MOSPD3: variants seen among roughly 807,000 people sequenced by gnomAD.
The protein encoded by MOSPD3 is motile sperm domain-containing protein 3.
Under a neutral mutation model 23.3 loss-of-function variants are expected in MOSPD3, and 20 were observed. The observed-to-expected ratio is 0.86, with a 90% CI of 0.61 to 1.25. The LOEUF (loss-of-function observed/expected upper bound fraction) is 1.25. Ranked by LOEUF, MOSPD3 falls within the 50% of genes most tolerant of loss-of-function variation. The pLI, the probability that MOSPD3 is intolerant of heterozygous loss-of-function variation, is 0.00. For missense variants in MOSPD3, 307 were observed against 315.7 expected, an observed-to-expected ratio of 0.97 and a Z score of 0.21; for synonymous variants, 136 against 135.2, an observed-to-expected ratio of 1.01 and a Z score of -0.04.
rs1802901048 is a variant in MOSPD3 at position 100,613,609 on chromosome 7, A to G, written c.414A>G (p.Pro138=). Residue 138 remains proline (P), a synonymous_variant, in exon 3 of 5, where the codon CCA becomes CCG. Coordinates refer to ENST00000393950, the MANE Select transcript of MOSPD3 (RefSeq NM_023948.5). ...ACATTACCTCCATTCTGAGAGCCCC[A>G]GCGTACCCCCTTGAGCTTCAGGGAC... ...RKDITSILRA[P]AYPLELQGQP... 1 of 1,614,144 alleles carries G rather than the reference A, an allele frequency of 6.2e-7. No homozygotes were observed. Among genetic ancestry groups the G allele is most frequent in the Non-Finnish European group, 8.5e-7 (1 of 1,180,020 alleles).
rs1802954091 is a variant in MOSPD3 at position 100,614,994 on chromosome 7, C to CTCT, written c.641_642insTTC (p.Ser214dup). The CTCT allele has an allele frequency of 6.2e-7, 1 of 1,614,174 alleles. No individual in the cohort carries two copies. Among genetic ancestry groups the CTCT allele is most frequent in the African/African-American group, 1.3e-5 (1 of 75,058 alleles). ...GCCAGCTGCCTCAAGTCCTGCACGT[C>CTCT]TCCCTGGGACAAAAGTTGGTGGCCG... On this transcript the variant is annotated inframe_insertion, in exon 4 of 5. Transcript: ENST00000393950.
chr7:100,614,799 C>T, intron 3 of MOSPD3, 68 bp from the exon 4 acceptor site: 1 of 1,503,668 alleles, frequency 6.7e-7, no homozygotes, highest in Non-Finnish European at 9.0e-7. Context: ...CTTGTTCAGG[C>T]TTCTCCCTGG....
rs1802884644 is a variant in MOSPD3, at chr7:100,613,237, G to A, written c.249G>A (p.Glu83=). Residue 83 remains glutamate, a synonymous_variant, in exon 2 of 5, where the codon GAG becomes GAA. Coordinates refer to ENST00000393950, the MANE Select transcript of MOSPD3 (RefSeq NM_023948.5). ...CCAAATACACGGTGTTTGACGCAGAGGGATATGTGAAGCCCCAGTCTTGCA... is the reference window on the plus strand; with the variant it reads ...CCAAATACACGGTGTTTGACGCAGAAGGATATGTGAAGCCCCAGTCTTGCA... ...APAKYTVFDA[E]GYVKPQSCID... 8.7e-6 allele frequency: 14 copies of A among 1,614,130 alleles called. No individual in the cohort carries two copies. The highest frequency in any genetic ancestry group is 1.2e-5 in the Non-Finnish European group (14 of 1,180,036).
At chr7:100,614,723 A>G in intron 3 of MOSPD3, 144 bp from the exon 4 acceptor site, 1 of 940,104 alleles carries the variant, frequency 1.1e-6, no homozygotes, top group Non-Finnish European at 1.5e-6. Context: ...AGCCTGGACA[A>G]CGTAGTGAGA....
chr7:100,614,805 C>A (rs188367468), intron 3 of MOSPD3, 62 bp from the exon 4 acceptor site: 2 of 1,533,910 alleles, frequency 1.3e-6, no homozygotes, highest in South Asian at 2.5e-5. Flanking sequence ...CAGGCTTCTC[C>A]CTGGAGGACC....
At chr7:100,614,042 C>T (rs1238712380) in intron 3 of MOSPD3, among the ~76,000 whole-genome samples, 1 of 152,170 alleles carries the variant, frequency 6.6e-6, no homozygotes. Flanking sequence ...AGAGAGGTCC[C>T]TGCCTGTCGG....
Position 100,612,881 on chromosome 7 carries a change from C to T in MOSPD3, c.90C>T (p.Pro30=). The T allele has an allele frequency of 6.2e-7, 1 of 1,612,970 alleles. No individual in the cohort carries two copies. The highest frequency in any genetic ancestry group is 8.5e-7 in the Non-Finnish European group (1 of 1,179,806). ...GGGGCGCCCCTCCTCCCTTGGGACC[C>T]GTTGTCCCGGTCCTGGTCTTTCCCC... ...GSRGAPPPLG[P]VVPVLVFPPD... The change falls in exon 1 of 5, where the codon CCC becomes CCT. Residue 30 remains proline (P), a synonymous_variant. Transcript: ENST00000393950.
chr7:100,613,799 T>G (rs1802910879), intron 3 of MOSPD3, 93 bp downstream of exon 3: 8 of 1,127,120 alleles, frequency 7.1e-6, no homozygotes, highest in Non-Finnish European at 1.0e-5. Context: ...AGAAGTCTCC[T>G]GGTTCAGTCT....
intron 2 of MOSPD3, 94 bp downstream of exon 2, chr7:100,613,363 T>A: frequency 6.5e-7 from 1 of 1,546,616 alleles, no homozygotes; most frequent in Non-Finnish European, 8.9e-7. Context: ...TTTAACCTAT[T>A]TGCCCTATCC....
rs770930212 is a variant in MOSPD3 at position 100,613,484 on chromosome 7, C to T, written c.289C>T (p.Arg97Cys). ...CTCCTACCTTGGGACCAGTGTGATT[C>T]GCCATGTGGCACCCATTCCCAGCCA... is the stretch of plus-strand genomic sequence containing the variant. ...KPQSCIDIVIRHVAPIPSHYD... is the reference protein window; with the variant it reads ...KPQSCIDIVICHVAPIPSHYD... The change falls in exon 3 of 5, where the codon CGC becomes TGC. Residue 97 changes from arginine (R) to cysteine (C), a missense_variant. Physicochemically the swap from Arg to Cys is radical, Grantham distance 180. Coordinates refer to ENST00000393950, the MANE Select transcript of MOSPD3 (RefSeq NM_023948.5). 28 of 1,614,020 alleles carry T rather than the reference C, an allele frequency of 1.7e-5. No homozygotes were observed. The highest frequency in any genetic ancestry group is 1.0e-4 in the Admixed American group (6 of 60,006).
In MOSPD3 at chr7:100,613,474, C is replaced by T. The variant is rs1025755507; in HGVS notation, c.282-3C>T. On this transcript the variant is annotated splice_region_variant and splice_polypyrimidine_tract_variant and intron_variant, in intron 2 of 4. Coordinates refer to ENST00000393950, the MANE Select transcript of MOSPD3 (RefSeq NM_023948.5). ...ATGGGCTTCTCTCCTACCTTGGGAC[C>T]AGTGTGATTCGCCATGTGGCACCCA... is the stretch of plus-strand genomic sequence containing the variant. 1 of 1,614,038 alleles carries T rather than the reference C, an allele frequency of 6.2e-7. No individual in the cohort carries two copies. Among genetic ancestry groups the T allele is most frequent in the Non-Finnish European group, 8.5e-7 (1 of 1,179,906 alleles).
Position 100,612,851 on chromosome 7 carries a change from G to A in MOSPD3, c.60G>A (p.Gly20=). The A allele has an allele frequency of 1.2e-6, 2 of 1,612,108 alleles. No homozygotes were observed. The highest frequency in any genetic ancestry group is 1.7e-6 in the Non-Finnish European group (2 of 1,179,540). The change falls in exon 1 of 5, where the codon GGG becomes GGA. Residue 20 remains glycine, a synonymous_variant. Coordinates refer to ENST00000393950, the MANE Select transcript of MOSPD3 (RefSeq NM_023948.5). ...ELVGPGPPGR[G]SRGAPPPLGP... ...TGGGTCCGGGGCCCCCTGGGCGGGG[G>A]TCCCGGGGCGCCCCTCCTCCCTTGG...
intron 3 of MOSPD3, 43 bp from the exon 4 acceptor site, chr7:100,614,824 G>A (rs372357761): frequency 1.3e-6 from 2 of 1,581,164 alleles, no homozygotes; most frequent in East Asian, 2.3e-5. Context: ...CCTGGGCTGG[G>A]CAGGAGTGGG....
intron 3 of MOSPD3, chr7:100,613,907 G>T: frequency 1.6e-6 from 1 of 611,000 alleles, no homozygotes; most frequent in Non-Finnish European, 2.9e-6. Flanking sequence ...TCTACTTAGA[G>T]GAAAAAGTTC....
In MOSPD3 at chr7:100,615,298, C is replaced by A; in HGVS notation, c.*115C>A. ...ACCCTCTTCTCTTTCCTGCCTACTCCCCACTCCTCCCTGACAAAAAACACC... is the reference window on the plus strand; with the variant it reads ...ACCCTCTTCTCTTTCCTGCCTACTCACCACTCCTCCCTGACAAAAAACACC... On this transcript the variant is annotated 3_prime_UTR_variant, in exon 5 of 5. Coordinates refer to ENST00000393950, the MANE Select transcript of MOSPD3 (RefSeq NM_023948.5). The A allele has an allele frequency of 2.3e-6, 2 of 884,848 alleles. No individual in the cohort carries two copies. Among genetic ancestry groups the A allele is most frequent in the Non-Finnish European group, 1.7e-6 (1 of 583,826 alleles). The allele number at this position is 884,848 out of a possible 1,614,324, so 54.8% of individuals were successfully genotyped here.
In MOSPD3 at chr7:100,615,047, G is replaced by C; in HGVS notation, c.676+16G>C. On this transcript the variant is annotated intron_variant, in intron 4 of 4. Coordinates refer to ENST00000393950, the MANE Select transcript of MOSPD3 (RefSeq NM_023948.5). ...TACGTCTTGGGTGAGGACAGTAGTGGCCAGGGACCCAGGCCCCAGGAAAAA... is the reference window on the plus strand; with the variant it reads ...TACGTCTTGGGTGAGGACAGTAGTGCCCAGGGACCCAGGCCCCAGGAAAAA... 6.2e-7 allele frequency: 1 copy of C among 1,614,202 alleles called. No homozygotes were observed. Among genetic ancestry groups the C allele is most frequent in the Non-Finnish European group, 8.5e-7 (1 of 1,180,024 alleles).
Position 100,612,729 on chromosome 7 carries a change from G to A in MOSPD3, c.-63G>A, listed in dbSNP as rs760212946. ...CCCCTTTCGCCCCTCACGCCCCCCA[G>A]CTCTGACTCCAGGCCCTGTCCCCTG... is the stretch of plus-strand genomic sequence containing the variant. On this transcript the variant is annotated 5_prime_UTR_variant, in exon 1 of 5. Transcript: ENST00000393950. The A allele has an allele frequency of 2.2e-6, 3 of 1,361,916 alleles. No homozygotes were observed. Among genetic ancestry groups the A allele is most frequent in the African/African-American group, 2.9e-5 (2 of 68,210 alleles). The allele number at this position is 1,361,916 out of a possible 1,614,324, so 84.4% of individuals were successfully genotyped here.
At chr7:100,613,913 A>G in intron 3 of MOSPD3, 2 of 604,888 alleles carry the variant, frequency 3.3e-6, no homozygotes, top group Non-Finnish European at 5.8e-6. Context: ...TAGAGGAAAA[A>G]GTTCTTCCTT....
At chr7:100,613,148 A>C (rs372035521) in intron 1 of MOSPD3, 46 bp from the exon 2 acceptor site, 6 of 1,604,310 alleles carry the variant, frequency 3.7e-6, no homozygotes, top group Non-Finnish European at 5.1e-6. Flanking sequence ...GGGGACTTAA[A>C]TGACCCACAT....
Sources: allele counts gnomAD v4.1 joint callset (sites outside exome capture counted in the v4.1 genomes callset), GRCh38; gene constraint gnomAD v4.1.1; transcripts MANE v1.5; gene names NCBI Gene and HGNC (gene_info 2026-07-23, HGNC 2026-07-21).